DNAJC3: variants seen among roughly 807,000 people sequenced by gnomAD.
DNAJC3 encodes DnaJ heat shock protein family (Hsp40) member C3.
DNAJC3 carries 38 observed loss-of-function variants against 68.6 expected under a neutral mutation model. The ratio of observed to expected loss-of-function variants is 0.55; its 90% confidence interval spans 0.43 to 0.73. The LOEUF (loss-of-function observed/expected upper bound fraction) is 0.73, where lower values mean the gene tolerates loss of function less well. DNAJC3 is among the 30% of genes least tolerant of loss of function. DNAJC3 has a pLI of 0.00. For synonymous variants in DNAJC3, 203 were observed against 204.0 expected, an observed-to-expected ratio of 1.00 and a Z score of 0.04; for missense variants, 526 against 591.9, an observed-to-expected ratio of 0.89 and a Z score of 1.16.
chr13:95,677,142 G>A lies in DNAJC3; in HGVS notation c.-114G>A. ...CTGCCTTCCTCTGCTGGGCTCCAGAGCCACTGAGGCCTGAGCGAGAGCCGA... is the reference window on the plus strand; with the variant it reads ...CTGCCTTCCTCTGCTGGGCTCCAGAACCACTGAGGCCTGAGCGAGAGCCGA... On this transcript the variant is annotated 5_prime_UTR_variant, in exon 1 of 12. Transcript: ENST00000602402. 1 of 854,358 alleles carries A rather than the reference G, an allele frequency of 1.2e-6. No individual in the cohort carries two copies. Among genetic ancestry groups the A allele is most frequent in the Non-Finnish European group, 1.7e-6 (1 of 574,308 alleles). 52.9% of individuals were successfully genotyped at this position (854,358 alleles called of 1,614,324 possible). A position where few individuals can be genotyped will look rare whatever the true frequency, so the allele number is the denominator to read the frequency against.
intron 5 of DNAJC3, among the ~76,000 whole-genome samples, chr13:95,759,212 A>T (rs1882750181): frequency 6.6e-6 from 1 of 152,192 alleles, no homozygotes; most frequent in African/African-American, 2.4e-5. Context: ...GTGAAGCCTC[A>T]ACCTCCTGCC....
chr13:95,679,207 T>TC, intron 1 of DNAJC3, among the ~76,000 whole-genome samples: 1 of 147,600 alleles, frequency 6.8e-6, no homozygotes, highest in Non-Finnish European at 1.5e-5. Context: ...CACTTTTTTT[T>TC]TTTTTTTTTT....
chr13:95,740,064 C>A (rs1882073230), intron 4 of DNAJC3, among the ~76,000 whole-genome samples: 2 of 152,190 alleles, frequency 1.3e-5, no homozygotes, highest in Non-Finnish European at 2.9e-5. Flanking sequence ...TGTTGGAATA[C>A]CCTGCCGTGT....
chr13:95,740,467 C>T (rs1416345952), intron 4 of DNAJC3, among the ~76,000 whole-genome samples: 1 of 151,882 alleles, frequency 6.6e-6, no homozygotes, highest in Non-Finnish European at 1.5e-5. Flanking sequence ...AGCGAGACTC[C>T]GTGGGCGTAG....
intron 1 of DNAJC3, among the ~76,000 whole-genome samples, chr13:95,691,190 C>T (rs1448484950): frequency 1.4e-4 from 21 of 148,156 alleles, no homozygotes; most frequent in Admixed American, 1.1e-3. Flanking sequence ...GCCAGGCAGG[C>T]GGCTGACCCC....
intron 4 of DNAJC3, among the ~76,000 whole-genome samples, chr13:95,740,496 C>G (rs541688902): frequency 6.6e-6 from 1 of 152,036 alleles, no homozygotes; most frequent in South Asian, 2.1e-4. Context: ...GAGCCAGGTG[C>G]CGGATATAAT....
At chr13:95,781,631 G>A (rs189327997) in intron 9 of DNAJC3, among the ~76,000 whole-genome samples, 93 of 152,254 alleles carry the variant, frequency 6.1e-4, no homozygotes, top group Non-Finnish European at 1.0e-3. Flanking sequence ...CCTCAAGAAT[G>A]TGAAGGGAAT....
chr13:95,791,217 G>A lies in DNAJC3; in HGVS notation c.*187G>A, dbSNP rs917788594. ...TGGTTAATGGGTTTGCAACGGCAAG[G>A]AGGCAAGGAATGGTTCTATTTCTGA... is the stretch of plus-strand genomic sequence containing the variant. On this transcript the variant is annotated 3_prime_UTR_variant, in exon 12 of 12. Coordinates refer to ENST00000602402, the MANE Select transcript of DNAJC3 (RefSeq NM_006260.5). 2.4e-5 allele frequency: 16 copies of A among 655,542 alleles called. No homozygotes were observed. In the South Asian group the frequency reaches 2.6e-4, roughly 11 times the overall value. The allele number at this position is 655,542 out of a possible 1,614,324, so 40.6% of individuals were successfully genotyped here. A position where few individuals can be genotyped will look rare whatever the true frequency, so the allele number is the denominator to read the frequency against.
chr13:95,788,430 C>T (rs1594033268), intron 11 of DNAJC3, among the ~76,000 whole-genome samples: 4 of 152,218 alleles, frequency 2.6e-5, no homozygotes, highest in African/African-American at 9.6e-5. Context: ...GAGGAAAGAG[C>T]TGCAGGTCCT....
At chr13:95,729,688 T>A (rs1279408255) in intron 4 of DNAJC3, among the ~76,000 whole-genome samples, 2 of 152,174 alleles carry the variant, frequency 1.3e-5, no homozygotes, top group African/African-American at 4.8e-5. Flanking sequence ...TTTGTCTTTT[T>A]ATAGTAGCCA....
At chr13:95,735,526 G>A (rs895384932) in intron 4 of DNAJC3, among the ~76,000 whole-genome samples, 1 of 150,744 alleles carries the variant, frequency 6.6e-6, no homozygotes, top group African/African-American at 2.5e-5. Flanking sequence ...ACTGGTGTGA[G>A]TTGGTATCTC....
intron 4 of DNAJC3, among the ~76,000 whole-genome samples, chr13:95,740,021 C>T (rs1458797139): frequency 6.6e-6 from 1 of 152,070 alleles, no homozygotes; most frequent in East Asian, 1.9e-4. Flanking sequence ...TGTTAGTTTT[C>T]CTTCTAACAG....
chr13:95,790,821 G>A, intron 11 of DNAJC3, 52 bp from the exon 12 acceptor site: 2 of 1,554,912 alleles, frequency 1.3e-6, no homozygotes, highest in South Asian at 1.2e-5. Flanking sequence ...CATTCCCCCT[G>A]CCCCTATACC....
chr13:95,757,797 G>C lies in DNAJC3; in HGVS notation c.546+1G>C. On this transcript the variant is annotated splice_donor_variant, in intron 5 of 11. Transcript: ENST00000602402. LOFTEE classifies it high-confidence loss of function. The stretch of plus-strand genomic sequence containing the variant: ...AGCCTTCCTTGATAAGATTTTAGAG[G>C]TAAGTTTCTTAGATACTGCAGTTGA... 1 of 1,535,072 alleles carries C rather than the reference G, an allele frequency of 6.5e-7. No individual in the cohort carries two copies. The highest frequency in any genetic ancestry group is 8.9e-7 in the Non-Finnish European group (1 of 1,123,458).
rs1160525954 is a variant in DNAJC3 at position 95,794,833 on chromosome 13, A to G, written c.*3803A>G. The G allele has an allele frequency of 6.6e-6, 1 of 152,192 alleles. No individual in the cohort carries two copies. Among genetic ancestry groups the G allele is most frequent in the Non-Finnish European group, 1.5e-5 (1 of 68,044 alleles). The allele number at this position is 152,192 out of a possible 1,614,324, so 9.4% of individuals were successfully genotyped here. ...GAGGTTTTAGTTTGTTTTGAATGAG[A>G]AAAGACTAAGTAACTTAATCCATCT... On this transcript the variant is annotated 3_prime_UTR_variant, in exon 12 of 12. Transcript: ENST00000602402.
At position 95,704,156 on chromosome 13, in the gene DNAJC3, A is replaced by G. The variant is rs1880654203; in HGVS notation, c.83-5071A>G. Among the ~76,000 whole-genome samples, 3 of 152,202 alleles carry G rather than the reference A, an allele frequency of 2.0e-5. No individual in the cohort carries two copies. In the South Asian group the frequency reaches 6.2e-4, roughly 31 times the overall value. ...TCTCATCTTCCAATTAATCGGAAAC[A>G]TTGTTGTGTCCCCTTTGGAAGCATT... On this transcript the variant is annotated intron_variant, in intron 1 of 11. Coordinates refer to ENST00000602402, the MANE Select transcript of DNAJC3 (RefSeq NM_006260.5).
chr13:95,791,357 T>C lies in DNAJC3; in HGVS notation c.*327T>C. The C allele has an allele frequency of 3.1e-6, 1 of 320,020 alleles. No homozygotes were observed. Among genetic ancestry groups the C allele is most frequent in the Non-Finnish European group, 5.9e-6 (1 of 170,718 alleles). 19.8% of individuals were successfully genotyped at this position (320,020 alleles called of 1,614,324 possible). A position where few individuals can be genotyped will look rare whatever the true frequency, so the allele number is the denominator to read the frequency against. ...TTTTCTACACTGGAGCTGAGATTCT[T>C]CTCTTCACAGCCTTGCAGAGTAAGT... On this transcript the variant is annotated 3_prime_UTR_variant, in exon 12 of 12. Coordinates refer to ENST00000602402, the MANE Select transcript of DNAJC3 (RefSeq NM_006260.5).
chr13:95,701,222 C>T (rs1880578983), intron 1 of DNAJC3, among the ~76,000 whole-genome samples: 1 of 152,130 alleles, frequency 6.6e-6, no homozygotes, highest in Admixed American at 6.5e-5. Context: ...TTAGGTCACG[C>T]TACCCCAAAA....
chr13:95,764,685 C>CATAT (rs1423737109), intron 9 of DNAJC3, among the ~76,000 whole-genome samples: 6 of 75,390 alleles, frequency 8.0e-5, no homozygotes, highest in African/African-American at 3.2e-4. Context: ...TATATATATA[C>CATAT]ACACACACAC....
Sources: gnomAD v4.1 joint callset for allele counts (sites outside exome capture counted in the v4.1 genomes callset) on GRCh38, gnomAD v4.1.1 for gene constraint, MANE v1.5 for transcripts, NCBI Gene and HGNC (gene_info 2026-07-23, HGNC 2026-07-21) for gene names.